ST13: variants seen among roughly 807,000 people sequenced by gnomAD.
ST13 encodes the protein ST13 Hsp70 interacting protein, also known as hsc70-interacting protein.
Under a neutral mutation model 56.7 loss-of-function variants are expected in ST13, and 23 were observed. The ratio of observed to expected loss-of-function variants is 0.41; its 90% CI spans 0.29 to 0.57. The LOEUF (loss-of-function observed/expected upper bound fraction) is 0.57, where lower values mean the gene tolerates loss of function less well. Ranked by LOEUF, ST13 falls within the 20% of genes least tolerant of loss-of-function variation. The pLI, the probability that ST13 is intolerant of heterozygous loss-of-function variation, is 0.36. For missense variants in ST13, 369 were observed against 459.9 expected, an observed-to-expected ratio of 0.80 and a Z score of 1.81; for synonymous variants, 132 against 142.4, an observed-to-expected ratio of 0.93 and a Z score of 0.52.
chr22:40,855,777 T>C (rs918002158), intron 1 of ST13, among the ~76,000 whole-genome samples: 4 of 151,944 alleles, frequency 2.6e-5, no homozygotes, highest in Non-Finnish European at 5.9e-5. Context: ...CGTAGCGAAG[T>C]ACTCTACAGT....
At chr22:40,826,776 T>A in intron 11 of ST13, 110 bp from the exon 12 acceptor site, 1 of 1,298,734 alleles carries the variant, frequency 7.7e-7, no homozygotes, top group Non-Finnish European at 1.1e-6. Flanking sequence ...ATAGTTAAGT[T>A]AAATGGGGTT....
chr22:40,853,245 C>T (rs1474815119), intron 1 of ST13, among the ~76,000 whole-genome samples: 1 of 152,082 alleles, frequency 6.6e-6, no homozygotes, highest in Non-Finnish European at 1.5e-5. Flanking sequence ...TACACACTCA[C>T]TGGTGTTGGG....
At chr22:40,855,566 T>C (rs1379681549) in intron 1 of ST13, among the ~76,000 whole-genome samples, 2 of 152,190 alleles carry the variant, frequency 1.3e-5, no homozygotes, top group Admixed American at 6.5e-5. Flanking sequence ...AGTTCCCCAT[T>C]AGTAATAATT....
intron 1 of ST13, among the ~76,000 whole-genome samples, chr22:40,854,980 C>T (rs2057881692): frequency 6.6e-6 from 1 of 152,128 alleles, no homozygotes; most frequent in South Asian, 2.1e-4. Context: ...CAGAATTTCA[C>T]ATATAAGTAA....
intron 8 of ST13, 152 bp from the exon 9 acceptor site, chr22:40,831,108 T>A: frequency 1.7e-6 from 1 of 596,390 alleles, no homozygotes. Flanking sequence ...AAGCTAAGCC[T>A]TTAAGAAAAC....
chr22:40,855,068 G>A (rs1047824398), intron 1 of ST13, among the ~76,000 whole-genome samples: 2 of 152,140 alleles, frequency 1.3e-5, no homozygotes, highest in African/African-American at 4.8e-5. Context: ...AACATACAAC[G>A]CTGACAGATT....
At chr22:40,840,586 A>G (rs1371434802) in intron 5 of ST13, 40 bp downstream of exon 5, 2 of 1,569,562 alleles carry the variant, frequency 1.3e-6, no homozygotes, top group East Asian at 4.5e-5. Flanking sequence ...TGCAATAAAT[A>G]TTCTGACTAC....
chr22:40,853,789 A>C (rs988644884), intron 1 of ST13, among the ~76,000 whole-genome samples: 1 of 152,222 alleles, frequency 6.6e-6, no homozygotes, highest in African/African-American at 2.4e-5. Context: ...GGGAGTAGAA[A>C]ACAAAGACAC....
intron 3 of ST13, among the ~76,000 whole-genome samples, chr22:40,846,859 G>A (rs2057834077): frequency 1.3e-5 from 2 of 152,080 alleles, no homozygotes; most frequent in Admixed American, 6.6e-5. Context: ...GCCAGGCATG[G>A]TGGCATACGC....
intron 5 of ST13, among the ~76,000 whole-genome samples, chr22:40,839,404 C>G (rs1262769930): frequency 1.3e-5 from 2 of 152,168 alleles, no homozygotes; most frequent in South Asian, 4.1e-4. Context: ...ATTACTCAAG[C>G]AGCCACAGTA....
At position 40,837,106 on chromosome 22, in the gene ST13, G is replaced by A. The variant is rs146910921; in HGVS notation, c.383-1219C>T. 2.6e-3 allele frequency among the ~76,000 whole-genome samples: 397 copies of A among 152,296 alleles called. 3 individuals carry two copies. The highest frequency in any genetic ancestry group is 4.9e-3 in the African/African-American group (202 of 41,566). On this transcript the variant is annotated intron_variant, in intron 5 of 11. Coordinates refer to ENST00000216218, the MANE Select transcript of ST13 (RefSeq NM_003932.5). ...GCTGGGATTACCACTGTGCCAGGCC[G>A]AACACAGAAATTTTTAAATAAATGT... is the stretch of plus-strand genomic sequence containing the variant.
chr22:40,827,251 C>T (rs377651617), intron 10 of ST13, 22 bp from the exon 11 acceptor site: 1 of 1,611,152 alleles, frequency 6.2e-7, no homozygotes. Context: ...AATGAATAGA[C>T]ACTAATCATA....
chr22:40,848,644 G>T (rs892682798), intron 2 of ST13, among the ~76,000 whole-genome samples: 4 of 152,162 alleles, frequency 2.6e-5, no homozygotes, highest in African/African-American at 9.7e-5. Context: ...TTGGGAGGCT[G>T]AGGCAGGACA....
intron 3 of ST13, 148 bp from the exon 4 acceptor site, chr22:40,845,057 T>G: frequency 1.7e-6 from 1 of 598,106 alleles, no homozygotes; most frequent in East Asian, 2.9e-5. Flanking sequence ...ATTAAACATT[T>G]CGTTACTTTG....
intron 5 of ST13, among the ~76,000 whole-genome samples, chr22:40,840,256 C>T (rs541664445): frequency 9.4e-4 from 143 of 151,852 alleles, no homozygotes; most frequent in African/African-American, 3.4e-3. Flanking sequence ...CTGACTAGGA[C>T]GAAGATTGGT....
rs753011155 is a variant in ST13 at position 40,847,078 on chromosome 22, TATAAG to T, written c.244+1211_244+1215del. On this transcript the variant is annotated intron_variant, in intron 3 of 11. Transcript: ENST00000216218. ...AAGTACTTTTCTTCAGGTTCTGTGA[TATAAG>T]AGACTTCCAAATTCATGAAGAAATT... 7.2e-5 allele frequency among the ~76,000 whole-genome samples: 11 copies of T among 152,268 alleles called. No homozygotes were observed. The East Asian group carries it at 1.9e-3, about 27-fold the overall frequency.
intron 9 of ST13, among the ~76,000 whole-genome samples, chr22:40,830,046 T>C (rs151013134): frequency 6.6e-6 from 1 of 152,356 alleles, no homozygotes; most frequent in East Asian, 1.9e-4. Flanking sequence ...TTTTCCGTTA[T>C]TCTCCCTACA....
At chr22:40,848,456 G>T in intron 2 of ST13, 87 bp from the exon 3 acceptor site, 2 of 944,244 alleles carry the variant, frequency 2.1e-6, no homozygotes, top group African/African-American at 1.6e-5. Context: ...TGTATAAACT[G>T]TCAAATATGG....
At position 40,824,900 on chromosome 22, in the gene ST13, A is replaced by T. The variant is rs1330328911; in HGVS notation, c.*1638T>A. 1.3e-5 allele frequency: 2 copies of T among 152,226 alleles called. No individual in the cohort carries two copies. Among genetic ancestry groups the T allele is most frequent in the Non-Finnish European group, 2.9e-5 (2 of 68,042 alleles). 9.4% of individuals were successfully genotyped at this position (152,226 alleles called of 1,614,324 possible). A position where few individuals can be genotyped will look rare whatever the true frequency, so the allele number is the denominator to read the frequency against. On this transcript the variant is annotated 3_prime_UTR_variant, in exon 12 of 12. Transcript: ENST00000216218. ...CTGCTTGTGTACAGCAAAGGGTTAG[A>T]ACCTGAATAAACTTATTTATGATTT...
Sources: gnomAD v4.1 joint callset for allele counts (sites outside exome capture counted in the v4.1 genomes callset) on GRCh38, gnomAD v4.1.1 for gene constraint, MANE v1.5 for transcripts, NCBI Gene and HGNC (gene_info 2026-07-23, HGNC 2026-07-21) for gene names.